The following NKAIN3 variants were observed in gnomAD, a reference collection of about 807,000 sequenced individuals.
NKAIN3 encodes the protein sodium/potassium transporting ATPase interacting 3.
Under a neutral mutation model 30.2 loss-of-function variants are expected in NKAIN3, and 25 were observed. The observed-to-expected ratio is 0.83, with a 90% CI of 0.60 to 1.16. NKAIN3 has a LOEUF of 1.16. Ranked by LOEUF, NKAIN3 falls within the 50% of genes most tolerant of loss-of-function variation. NKAIN3 has a pLI of 0.00. For synonymous variants in NKAIN3, 91 were observed against 89.6 expected (o/e 1.02, Z -0.09); for missense variants, 225 against 254.1 (o/e 0.89, Z 0.78).
At chr8:62,318,816 A>G (rs1331913032) in intron 1 of NKAIN3, among the ~76,000 whole-genome samples, 1 of 152,128 alleles carries the variant, frequency 6.6e-6, no homozygotes, top group Non-Finnish European at 1.5e-5. Flanking sequence ...TGTCTCTGCC[A>G]GGCTTTGGTA....
chr8:62,287,845 C>T (rs1813430109), intron 1 of NKAIN3, among the ~76,000 whole-genome samples: 1 of 152,158 alleles, frequency 6.6e-6, no homozygotes, highest in South Asian at 2.1e-4. Flanking sequence ...CTACTGTGAT[C>T]TTCCTGCAGA....
chr8:62,712,545 C>T (rs1814756463), intron 3 of NKAIN3, among the ~76,000 whole-genome samples: 1 of 152,080 alleles, frequency 6.6e-6, no homozygotes, highest in Non-Finnish European at 1.5e-5. Context: ...AGGCCTCACC[C>T]AGCTCCCACA....
intron 1 of NKAIN3, chr8:62,473,224 G>A (rs1806411856): frequency 6.6e-6 from 1 of 152,186 alleles, no homozygotes; most frequent in African/African-American, 2.4e-5. Flanking sequence ...AACTTGAAAG[G>A]ATGATTTGTA....
At chr8:62,830,011 G>A (rs1164879552) in intron 4 of NKAIN3, among the ~76,000 whole-genome samples, 1 of 152,092 alleles carries the variant, frequency 6.6e-6, no homozygotes, top group Non-Finnish European at 1.5e-5. Flanking sequence ...TAAACATTGT[G>A]TTCTAGTTAC....
At chr8:62,942,561 C>T (rs993579958) in intron 5 of NKAIN3, among the ~76,000 whole-genome samples, 1 of 148,654 alleles carries the variant, frequency 6.7e-6, no homozygotes, top group Non-Finnish European at 1.5e-5. Context: ...CAAAAAAGAG[C>T]CCACATAGCC....
intron 4 of NKAIN3, among the ~76,000 whole-genome samples, chr8:62,761,090 C>A (rs1240544560): frequency 6.6e-6 from 1 of 152,034 alleles, no homozygotes; most frequent in African/African-American, 2.4e-5. Context: ...TTTAATTTTT[C>A]TTTTCTGTTT....
chr8:62,465,123 A>G (rs1806121563), intron 1 of NKAIN3, among the ~76,000 whole-genome samples: 1 of 152,174 alleles, frequency 6.6e-6, no homozygotes, highest in East Asian at 1.9e-4. Flanking sequence ...AAACAGTTTT[A>G]TAGATTAAAG....
intron 3 of NKAIN3, among the ~76,000 whole-genome samples, chr8:62,649,875 C>T (rs531921241): frequency 6.6e-5 from 10 of 152,102 alleles, no homozygotes; most frequent in Non-Finnish European, 1.2e-4. Flanking sequence ...TCCAAACAGG[C>T]CCCATCTATT....
At chr8:62,334,500 T>C (rs557365281) in intron 1 of NKAIN3, among the ~76,000 whole-genome samples, 1 of 152,242 alleles carries the variant, frequency 6.6e-6, no homozygotes, top group South Asian at 2.1e-4. Context: ...TACCTTAACT[T>C]GGTTGCATCT....
At position 62,572,648 on chromosome 8, in the gene NKAIN3, A is replaced by ATG. The variant is rs539235042; in HGVS notation, c.55-6890_55-6889dup. On this transcript the variant is annotated intron_variant, in intron 1 of 6. Transcript: ENST00000623646. The stretch of plus-strand genomic sequence containing the variant: ...ACATGGCTGGGGAGGCCTCACAATC[A>ATG]TGGCAGGAGGTGAATGACACATTTC... Among the ~76,000 whole-genome samples the ATG allele has an allele frequency of 3.0e-4, 45 of 152,304 alleles. No homozygotes were observed. The South Asian group carries it at 9.1e-3, about 31-fold the overall frequency.
At chr8:62,466,694 A>G (rs1420153730) in intron 1 of NKAIN3, among the ~76,000 whole-genome samples, 1 of 152,218 alleles carries the variant, frequency 6.6e-6, no homozygotes, top group Non-Finnish European at 1.5e-5. Flanking sequence ...TCTTGTTGCC[A>G]TAGCACATGG....
chr8:62,816,803 C>T (rs1382263361), intron 4 of NKAIN3, among the ~76,000 whole-genome samples: 2 of 152,070 alleles, frequency 1.3e-5, no homozygotes, highest in Non-Finnish European at 2.9e-5. Context: ...GTGGTGGCTC[C>T]ACTCTCAAAA....
At chr8:62,804,735 T>G (rs1209666533) in intron 4 of NKAIN3, among the ~76,000 whole-genome samples, 1 of 152,156 alleles carries the variant, frequency 6.6e-6, no homozygotes, top group Non-Finnish European at 1.5e-5. Context: ...CTTTGAAAAC[T>G]GGCAAAAGAC....
At chr8:62,335,916 G>A (rs533796233) in intron 1 of NKAIN3, among the ~76,000 whole-genome samples, 17 of 152,090 alleles carry the variant, frequency 1.1e-4, no homozygotes, top group African/African-American at 4.1e-4. Flanking sequence ...GGCATTCTGG[G>A]GAAATGAAAA....
chr8:62,910,893 C>T (rs1233217517), intron 4 of NKAIN3, among the ~76,000 whole-genome samples: 1 of 152,066 alleles, frequency 6.6e-6, no homozygotes, highest in Non-Finnish European at 1.5e-5. Flanking sequence ...CTCATCAATC[C>T]TCAGGCCTTT....
At chr8:62,835,111 C>T (rs1409079146) in intron 4 of NKAIN3, among the ~76,000 whole-genome samples, 1 of 152,116 alleles carries the variant, frequency 6.6e-6, no homozygotes, top group Non-Finnish European at 1.5e-5. Context: ...GCTGGAATCA[C>T]TGGCTAGCCA....
At chr8:62,873,116 A>G (rs529872953) in intron 4 of NKAIN3, among the ~76,000 whole-genome samples, 260 of 152,318 alleles carry the variant, frequency 1.7e-3, no homozygotes, top group African/African-American at 6.0e-3. Context: ...GCAGACACAC[A>G]TAGGCTCAAA....
intron 3 of NKAIN3, among the ~76,000 whole-genome samples, chr8:62,734,281 T>TCAAA (rs888370751): frequency 2.6e-5 from 4 of 152,306 alleles, no homozygotes; most frequent in East Asian, 3.9e-4. Flanking sequence ...AGTTCCTGTC[T>TCAAA]CAAACAAACA....
chr8:62,409,350 A>G (rs1388712995), intron 1 of NKAIN3, among the ~76,000 whole-genome samples: 2 of 151,966 alleles, frequency 1.3e-5, no homozygotes, highest in African/African-American at 4.8e-5. Flanking sequence ...ACAACCAGCT[A>G]ATTTTGTATT....
Sources: allele counts gnomAD v4.1 joint callset (sites outside exome capture counted in the v4.1 genomes callset), GRCh38; gene constraint gnomAD v4.1.1; transcripts MANE v1.5; gene names NCBI Gene and HGNC (gene_info 2026-07-23, HGNC 2026-07-21).